The following HEATR1 variants were observed in gnomAD, a reference collection of about 807,000 sequenced individuals.
The protein encoded by HEATR1 is HEAT repeat-containing protein 1.
Under a neutral mutation model 248.2 loss-of-function variants are expected in HEATR1, and 77 were observed. That is an observed-to-expected ratio of 0.31 (90% CI 0.26 to 0.37). The LOEUF is 0.37. HEATR1 is among the 10% of genes least tolerant of loss of function. HEATR1 has a pLI of 1.00. For synonymous variants in HEATR1, 897 were observed against 923.1 expected (o/e 0.97, Z 0.51); for missense variants, 2,420 against 2,504.9 (o/e 0.97, Z 0.72).
intron 17 of HEATR1, among the ~76,000 whole-genome samples, chr1:236,584,627 T>C (rs1449660171): frequency 6.6e-6 from 1 of 152,190 alleles, no homozygotes; most frequent in Non-Finnish European, 1.5e-5. Flanking sequence ...CTATGTAATA[T>C]TAAAATTATT....
At chr1:236,590,636 G>A (rs115289627) in intron 12 of HEATR1, among the ~76,000 whole-genome samples, 33 of 152,220 alleles carry the variant, frequency 2.2e-4, no homozygotes, top group Admixed American at 5.9e-4. Flanking sequence ...CTGTCAATGT[G>A]GAAACATAAA....
At position 236,550,132 on chromosome 1, in the gene HEATR1, ATACT is replaced by A. The variant is rs1242479673; in HGVS notation, c.*766_*769del. 3.3e-5 allele frequency: 5 copies of A among 152,204 alleles called. No individual in the cohort carries two copies. The highest frequency in any genetic ancestry group is 9.6e-5 in the African/African-American group (4 of 41,456). The allele number at this position is 152,204 out of a possible 1,614,324, so 9.4% of individuals were successfully genotyped here. A position where few individuals can be genotyped will look rare whatever the true frequency, so the allele number is the denominator to read the frequency against. ...TCAAAGCATTGAAAAAAATCTACTG[ATACT>A]TACTTTCTTAGACAAGTAGTTCTTA... On this transcript the variant is annotated 3_prime_UTR_variant, in exon 45 of 45. Coordinates refer to ENST00000366582, the MANE Select transcript of HEATR1 (RefSeq NM_018072.6).
At position 236,554,679 on chromosome 1, in the gene HEATR1, T is replaced by C; in HGVS notation, c.5997A>G (p.Leu1999=). 2 of 1,613,384 alleles carry C rather than the reference T, an allele frequency of 1.2e-6. No individual in the cohort carries two copies. Among genetic ancestry groups the C allele is most frequent in the Non-Finnish European group, 1.7e-6 (2 of 1,179,610 alleles). Residue 1999 remains leucine (L), a synonymous_variant, in exon 42 of 45, where the codon TTA becomes TTG. Transcript: ENST00000366582. ...GGGTATCAAAAAGGAAGATTTTGTA[T>C]AAACAGTTCAAAATAAACTGCAACA... ...CLLLQFILNC[L]YKIFLFDTQH...
intron 3 of HEATR1, among the ~76,000 whole-genome samples, chr1:236,601,826 T>G (rs978523227): frequency 3.3e-5 from 5 of 150,330 alleles, no homozygotes; most frequent in African/African-American, 1.2e-4. Context: ...ATCCTGACAC[T>G]CAATAAAATA....
chr1:236,557,443 T>C lies in HEATR1; in HGVS notation c.5205-98A>G, dbSNP rs571749366. ...ATGAAAAAAACCAGCAAACTGTGCC[T>C]ATTACATCGCTATCTGCTTCATAGC... On this transcript the variant is annotated intron_variant, in intron 36 of 44. Transcript: ENST00000366582. 3 of 1,264,906 alleles carry C rather than the reference T, an allele frequency of 2.4e-6. No homozygotes were observed. In the African/African-American group the frequency reaches 4.5e-5, roughly 19 times the overall value. The allele number at this position is 1,264,906 out of a possible 1,614,324, so 78.4% of individuals were successfully genotyped here.
intron 5 of HEATR1, among the ~76,000 whole-genome samples, chr1:236,597,256 ATTT>A (rs10581442): frequency 0.02 from 2,801 of 138,204 alleles, 19 homozygotes; most frequent in Middle Eastern, 0.079. Flanking sequence ...TTAAAAAAAA[ATTT>A]TTTTTTTTTT....
rs533877583 is a variant in HEATR1, at chr1:236,592,289, C to T, written c.1305-179G>A. Among the ~76,000 whole-genome samples the T allele has an allele frequency of 4.6e-5, 7 of 152,186 alleles. No individual in the cohort carries two copies. The South Asian group carries it at 1.5e-3, about 32-fold the overall frequency. On this transcript the variant is annotated intron_variant, in intron 10 of 44. Coordinates refer to ENST00000366582, the MANE Select transcript of HEATR1 (RefSeq NM_018072.6). ...GGTCAAGTGTGTTACTATGACTACT[C>T]CAATAACAAAATAGTCTCTCTATAA...
rs1413350615 is a variant in HEATR1 at position 236,555,373 on chromosome 1, C to T, written c.5846G>A (p.Gly1949Glu). The change falls in exon 41 of 45, where the codon GGG becomes GAG. Residue 1949 changes from glycine to glutamate, a missense_variant. By Grantham distance (98) the Gly-to-Glu change is moderately conservative. Transcript: ENST00000366582. ...LADCIAEKLKGLFTLFAGHLV... is the reference protein window; with the variant it reads ...LADCIAEKLKELFTLFAGHLV... ...GTGGCCGGCAAACAGAGTAAAAAGC[C>T]CTTTCAGCTTTTCAGCAATGCAATC... 1.1e-5 allele frequency: 18 copies of T among 1,614,048 alleles called. No individual in the cohort carries two copies. Among genetic ancestry groups the T allele is most frequent in the Non-Finnish European group, 8.5e-7 (1 of 1,180,016 alleles).
chr1:236,562,453 A>T (rs1488021385), intron 32 of HEATR1, among the ~76,000 whole-genome samples: 1 of 152,146 alleles, frequency 6.6e-6, no homozygotes, highest in African/African-American at 2.4e-5. Context: ...CTTTTCCCCA[A>T]ATGGGAAACA....
At chr1:236,584,353 T>C (rs1663829516) in intron 17 of HEATR1, among the ~76,000 whole-genome samples, 2 of 152,214 alleles carry the variant, frequency 1.3e-5, no homozygotes, top group Non-Finnish European at 2.9e-5. Context: ...TTTTAAAGTT[T>C]ACACATTTTA....
chr1:236,589,021 T>C (rs1663962888), intron 12 of HEATR1, among the ~76,000 whole-genome samples: 1 of 152,108 alleles, frequency 6.6e-6, no homozygotes. Context: ...TGTCCTGTCA[T>C]CAATGGAGAA....
rs952256887 is a variant in HEATR1 at position 236,568,892 on chromosome 1, A to AAC, written c.4077+103_4077+104insGT. 9.4e-5 allele frequency: 56 copies of AAC among 592,818 alleles called. 2 individuals are homozygous for AAC. In the Middle Eastern group the frequency reaches 1.8e-3, roughly 19 times the overall value. 36.7% of individuals were successfully genotyped at this position (592,818 alleles called of 1,614,324 possible). A position where few individuals can be genotyped will look rare whatever the true frequency, so the allele number is the denominator to read the frequency against. ...TACAACTGTTGAGGATATTAAAAAA[A>AAC]AAAAACAAAAAAAAAAAACTAAAAA... is the stretch of plus-strand genomic sequence containing the variant. On this transcript the variant is annotated intron_variant, in intron 29 of 44. Transcript: ENST00000366582.
At chr1:236,570,884 A>T (rs1330172941) in intron 28 of HEATR1, among the ~76,000 whole-genome samples, 1 of 152,186 alleles carries the variant, frequency 6.6e-6, no homozygotes, top group Admixed American at 6.5e-5. Flanking sequence ...TCTCTTTACA[A>T]ATGTTTAAAT....
chr1:236,566,058 A>G lies in HEATR1; in HGVS notation c.4309-13T>C. Reference sequence around the variant, plus strand: ...CTAAAATAGCATCCTGTGTAGAAAAAGAAAAAGGTAACAAATCTGTACTTA... The same window carrying G: ...CTAAAATAGCATCCTGTGTAGAAAAGGAAAAAGGTAACAAATCTGTACTTA... On this transcript the variant is annotated splice_polypyrimidine_tract_variant and intron_variant, in intron 30 of 44. Transcript: ENST00000366582. 1 of 1,609,914 alleles carries G rather than the reference A, an allele frequency of 6.2e-7. No homozygotes were observed. Among genetic ancestry groups the G allele is most frequent in the East Asian group, 2.2e-5 (1 of 44,816 alleles).
At chr1:236,583,766 C>T (rs557452574) in intron 17 of HEATR1, among the ~76,000 whole-genome samples, 36 of 152,084 alleles carry the variant, frequency 2.4e-4, no homozygotes, top group African/African-American at 7.2e-4. Flanking sequence ...GGATTATAGG[C>T]GTGAGCTACC....
chr1:236,557,918 CT>C (rs1663020183), intron 36 of HEATR1, among the ~76,000 whole-genome samples: 1 of 152,176 alleles, frequency 6.6e-6, no homozygotes, highest in African/African-American at 2.4e-5. Flanking sequence ...CTGCATCTTT[CT>C]GTTTGAAGAT....
intron 19 of HEATR1, 55 bp from the exon 20 acceptor site, chr1:236,581,469 C>G: frequency 7.9e-7 from 1 of 1,273,618 alleles, no homozygotes; most frequent in Non-Finnish European, 1.1e-6. Context: ...TAAGCTGGTT[C>G]CAAATCCTCT....
intron 20 of HEATR1, among the ~76,000 whole-genome samples, chr1:236,579,988 G>C (rs548609239): frequency 6.6e-6 from 1 of 150,716 alleles, no homozygotes; most frequent in South Asian, 2.1e-4. Context: ...AATTTCCCCA[G>C]GGCCACTCCT....
Position 236,576,269 on chromosome 1 carries a change from A to G in HEATR1, c.3034T>C (p.Ser1012Pro), listed in dbSNP as rs1482078598. Residue 1012 changes from serine to proline, a missense_variant, in exon 22 of 45, where the codon TCT (serine) becomes CCT (proline). Physicochemically the swap from Ser to Pro is moderately conservative, Grantham distance 74. Transcript: ENST00000366582. Reference sequence around the variant, plus strand: ...TTCATCAAATCTTTTGCTATATAAGATGGGCAACTATACACACAACTAAGT... The same window carrying G: ...TTCATCAAATCTTTTGCTATATAAGGTGGGCAACTATACACACAACTAAGT... ...NLLSCVYSCPSYIAKDLMKVL... is the reference protein window; with the variant it reads ...NLLSCVYSCPPYIAKDLMKVL... 9.3e-6 allele frequency: 15 copies of G among 1,609,566 alleles called. No individual in the cohort carries two copies. In the South Asian group the frequency reaches 1.7e-4, roughly 18 times the overall value.
Sources: allele counts gnomAD v4.1 joint callset (sites outside exome capture counted in the v4.1 genomes callset), GRCh38; gene constraint gnomAD v4.1.1; transcripts MANE v1.5; gene names NCBI Gene and HGNC (gene_info 2026-07-23, HGNC 2026-07-21).